The following DLGAP1 variants were observed in gnomAD, a reference collection of about 807,000 sequenced individuals.
DLGAP1 encodes the protein DLG associated protein 1.
A neutral mutation model predicts 90.8 loss-of-function variants in DLGAP1; 11 were observed. That is an observed-to-expected ratio of 0.12 (90% CI 0.08 to 0.20). DLGAP1 has a LOEUF of 0.20. DLGAP1 is among the 10% of genes least tolerant of loss of function. The pLI is 1.00. For missense variants in DLGAP1, 1,050 were observed against 1,333.8 expected (o/e 0.79, Z 3.31); for synonymous variants, 558 against 540.7 (o/e 1.03, Z -0.44).
intron 4 of DLGAP1, chr18:3,845,378 CA>C: frequency 6.7e-7 from 1 of 1,488,824 alleles, no homozygotes; most frequent in Non-Finnish European, 9.0e-7. Context: ...AGGCAGTAAA[CA>C]CAGGACTTGG....
At chr18:4,122,167 A>T (rs2076163140) in intron 2 of DLGAP1, among the ~76,000 whole-genome samples, 1 of 152,208 alleles carries the variant, frequency 6.6e-6, no homozygotes, top group African/African-American at 2.4e-5. Flanking sequence ...AGCTCCATAG[A>T]GAAAGTTGCA....
chr18:3,705,546 T>A (rs759876367), intron 7 of DLGAP1, among the ~76,000 whole-genome samples: 1 of 151,798 alleles, frequency 6.6e-6, no homozygotes, highest in Non-Finnish European at 1.5e-5. Context: ...CCAAGGAGCA[T>A]TAAAATATTG....
intron 7 of DLGAP1, among the ~76,000 whole-genome samples, chr18:3,708,771 A>G (rs1486461122): frequency 1.3e-5 from 2 of 152,240 alleles, no homozygotes; most frequent in East Asian, 3.8e-4. Context: ...AATAAATTGT[A>G]AGAGCGTACT....
At chr18:4,336,413 T>C (rs1043770075) in intron 1 of DLGAP1, among the ~76,000 whole-genome samples, 3 of 152,082 alleles carry the variant, frequency 2.0e-5, no homozygotes, top group African/African-American at 7.2e-5. Flanking sequence ...GGTCTGAAGG[T>C]AGAAAAATAT....
chr18:4,071,863 TC>T (rs2075452121), intron 2 of DLGAP1, among the ~76,000 whole-genome samples: 1 of 152,308 alleles, frequency 6.6e-6, no homozygotes, highest in South Asian at 2.1e-4. Context: ...CTTTGTTAAT[TC>T]AAAGTTCCCA....
At chr18:3,883,350 C>T (rs1194194949) in intron 3 of DLGAP1, among the ~76,000 whole-genome samples, 1 of 152,228 alleles carries the variant, frequency 6.6e-6, no homozygotes, top group African/African-American at 2.4e-5. Flanking sequence ...TTCCATGAGA[C>T]ATACTGCATC....
rs182080241 is a variant in DLGAP1, at chr18:3,743,644, G to A, written c.1173-1132C>T. Among the ~76,000 whole-genome samples, 1,123 of 149,916 alleles carry A rather than the reference G, an allele frequency of 7.5e-3. 12 individuals are homozygous for A. Among genetic ancestry groups the A allele is most frequent in the Non-Finnish European group, 0.011 (774 of 67,572 alleles). On this transcript the variant is annotated intron_variant, in intron 5 of 12. Coordinates refer to ENST00000315677, the MANE Select transcript of DLGAP1 (RefSeq NM_004746.4). ...GCTGTGATTACAGGCGTGAGCCACC[G>A]CGCCCGGCCTTTATTTTAATTTTTG...
intron 3 of DLGAP1, among the ~76,000 whole-genome samples, chr18:3,989,758 T>C (rs2073922654): frequency 1.3e-5 from 2 of 152,022 alleles, no homozygotes; most frequent in African/African-American, 4.8e-5. Flanking sequence ...ATATCCAGAA[T>C]CTACAATGAA....
intron 3 of DLGAP1, among the ~76,000 whole-genome samples, chr18:3,971,321 C>A (rs1035088340): frequency 6.6e-6 from 1 of 152,140 alleles, no homozygotes; most frequent in African/African-American, 2.4e-5. Context: ...AGAATTAAGT[C>A]CTCTAAATCA....
intron 7 of DLGAP1, among the ~76,000 whole-genome samples, chr18:3,652,994 C>T (rs2059367256): frequency 2.6e-5 from 4 of 152,214 alleles, no homozygotes; most frequent in Admixed American, 2.6e-4. Flanking sequence ...CCCTCCTTCC[C>T]TGGAAATAAA....
At chr18:4,130,362 T>C (rs1253606465) in intron 2 of DLGAP1, among the ~76,000 whole-genome samples, 1 of 152,196 alleles carries the variant, frequency 6.6e-6, no homozygotes, top group Non-Finnish European at 1.5e-5. Flanking sequence ...ATAGTGATTA[T>C]TTAATAGTAA....
At chr18:3,913,229 T>G (rs2072073249) in intron 3 of DLGAP1, among the ~76,000 whole-genome samples, 2 of 152,150 alleles carry the variant, frequency 1.3e-5, no homozygotes, top group Admixed American at 6.6e-5. Context: ...TAGCTGGGAC[T>G]GCAGGTATGC....
chr18:3,626,332 A>T lies in DLGAP1; in HGVS notation c.1592-44084T>A, dbSNP rs143221586. ...AAAAAGATCAGGAATGGCGGCTCAC[A>T]TCTGTAATCTTAGCATTTTGGGAGG... On this transcript the variant is annotated intron_variant, in intron 7 of 12. Transcript: ENST00000315677. Among the ~76,000 whole-genome samples, 1,191 of 151,408 alleles carry T rather than the reference A, an allele frequency of 7.9e-3. 15 individuals carry two copies. Among genetic ancestry groups the T allele is most frequent in the African/African-American group, 0.027 (1,113 of 41,240 alleles).
chr18:3,953,220 G>C (rs7239297), intron 3 of DLGAP1, among the ~76,000 whole-genome samples: 69,753 of 151,908 alleles, frequency 0.46, 16,474 homozygotes, highest in East Asian at 0.51. Flanking sequence ...TATAAGCATA[G>C]GTTTCTTACA....
chr18:4,453,006 T>A (rs1034834621), intron 1 of DLGAP1, among the ~76,000 whole-genome samples: 4 of 152,332 alleles, frequency 2.6e-5, no homozygotes, highest in African/African-American at 2.4e-5. Context: ...GCTATAAATT[T>A]AAAAAAATCT....
chr18:3,561,253 TAAAAAAAAAAAACA>T (rs557140820), intron 9 of DLGAP1, among the ~76,000 whole-genome samples: 1,364 of 66,384 alleles, frequency 0.021, 87 homozygotes, highest in East Asian at 0.085. Flanking sequence ...CCGTCTCTAC[TAAAAAAAAAAAACA>T]AAAAAAAAAA....
chr18:4,233,720 C>A lies in DLGAP1; in HGVS notation c.-266-82433G>T, dbSNP rs1027881320. On this transcript the variant is annotated intron_variant, in intron 1 of 12. Coordinates refer to ENST00000315677, the MANE Select transcript of DLGAP1 (RefSeq NM_004746.4). ...AAGGAATATGCGCATATGTTAAAACCCCCTCAGAGATCAATTAGTTTTTAA... is the reference window on the plus strand; with the variant it reads ...AAGGAATATGCGCATATGTTAAAACACCCTCAGAGATCAATTAGTTTTTAA... Among the ~76,000 whole-genome samples, 10 of 152,064 alleles carry A rather than the reference C, an allele frequency of 6.6e-5. 1 individual carries two copies. The highest frequency in any genetic ancestry group is 6.6e-4 in the Admixed American group (10 of 15,240).
chr18:3,567,690 A>T (rs1467048802), intron 8 of DLGAP1, 109 bp from the exon 9 acceptor site: 1 of 941,404 alleles, frequency 1.1e-6, no homozygotes. Flanking sequence ...AATGTTTTGT[A>T]ATTTATAACC....
chr18:4,216,889 C>G (rs2077969886), intron 1 of DLGAP1, among the ~76,000 whole-genome samples: 1 of 152,040 alleles, frequency 6.6e-6, no homozygotes. Context: ...TTATTATTAA[C>G]CGAAGTCCAT....
Sources: allele counts gnomAD v4.1 joint callset (sites outside exome capture counted in the v4.1 genomes callset), GRCh38; gene constraint gnomAD v4.1.1; transcripts MANE v1.5; gene names NCBI Gene and HGNC (gene_info 2026-07-23, HGNC 2026-07-21).